FAF1: variants seen among roughly 807,000 people sequenced by gnomAD.
FAF1 encodes FAS-associated factor 1.
FAF1 carries 25 observed loss-of-function variants against 92.5 expected under a neutral mutation model. The observed-to-expected ratio is 0.27, with a 90% confidence interval of 0.20 to 0.38. The LOEUF (loss-of-function observed/expected upper bound fraction) is 0.38, where lower values mean the gene tolerates loss of function less well. Ranked by LOEUF, FAF1 falls within the 10% of genes least tolerant of loss-of-function variation. FAF1 has a pLI of 1.00. For synonymous variants in FAF1, 234 were observed against 273.2 expected, an observed-to-expected ratio of 0.86 and a Z score of 1.42; for missense variants, 636 against 793.3, an observed-to-expected ratio of 0.80 and a Z score of 2.38.
At chr1:50,853,108 G>C (rs368157044) in intron 2 of FAF1, among the ~76,000 whole-genome samples, 1 of 152,112 alleles carries the variant, frequency 6.6e-6, no homozygotes, top group Non-Finnish European at 1.5e-5. Flanking sequence ...TCAATGGTTA[G>C]TCTATTCATT....
intron 1 of FAF1, among the ~76,000 whole-genome samples, chr1:50,921,859 G>A (rs1362331283): frequency 6.6e-6 from 1 of 151,968 alleles, no homozygotes; most frequent in Admixed American, 6.6e-5. Context: ...GGACTCAAAT[G>A]TAACCACTAC....
At chr1:50,859,292 G>A (rs1293784001) in intron 1 of FAF1, among the ~76,000 whole-genome samples, 2 of 151,628 alleles carry the variant, frequency 1.3e-5, no homozygotes, top group Non-Finnish European at 2.9e-5. Flanking sequence ...GAAATAAAAG[G>A]CATCTAAATA....
intron 8 of FAF1, among the ~76,000 whole-genome samples, chr1:50,640,895 A>T (rs2124244953): frequency 8.0e-6 from 1 of 125,460 alleles, no homozygotes; most frequent in Non-Finnish European, 1.6e-5. Context: ...GTGCAGTGGC[A>T]CCATCTCGGC....
chr1:50,528,956 C>A (rs1361799757), intron 15 of FAF1, among the ~76,000 whole-genome samples: 1 of 152,132 alleles, frequency 6.6e-6, no homozygotes, highest in Non-Finnish European at 1.5e-5. Context: ...CTCTAGTTCA[C>A]TTTATTAATG....
chr1:50,523,672 C>T (rs558321131), intron 15 of FAF1, among the ~76,000 whole-genome samples: 27 of 152,182 alleles, frequency 1.8e-4, no homozygotes, highest in Admixed American at 5.9e-4. Context: ...ATATTAAACC[C>T]TTATCAGATA....
intron 7 of FAF1, among the ~76,000 whole-genome samples, chr1:50,667,283 C>A (rs1235486132): frequency 6.6e-6 from 1 of 152,208 alleles, no homozygotes; most frequent in African/African-American, 2.4e-5. Flanking sequence ...GTCTCCTTCA[C>A]CCCTTACATT....
chr1:50,465,531 T>G (rs1315315100), intron 18 of FAF1, among the ~76,000 whole-genome samples: 2 of 152,166 alleles, frequency 1.3e-5, no homozygotes, highest in African/African-American at 2.4e-5. Context: ...CAGGAATGTA[T>G]TAGTTAACAA....
At chr1:50,892,301 C>T (rs1223181753) in intron 1 of FAF1, among the ~76,000 whole-genome samples, 1 of 152,232 alleles carries the variant, frequency 6.6e-6, no homozygotes, top group Non-Finnish European at 1.5e-5. Context: ...ACGCTTCATG[C>T]TTCCTGGGTG....
chr1:50,909,608 G>A (rs1366715941), intron 1 of FAF1, among the ~76,000 whole-genome samples: 2 of 152,026 alleles, frequency 1.3e-5, no homozygotes, highest in Non-Finnish European at 2.9e-5. Context: ...TTCTCTTCTT[G>A]CTTCATTTCA....
At chr1:50,748,952 T>C (rs1289439011) in intron 4 of FAF1, among the ~76,000 whole-genome samples, 1 of 152,244 alleles carries the variant, frequency 6.6e-6, no homozygotes, top group Non-Finnish European at 1.5e-5. Flanking sequence ...GTCTCAATGA[T>C]ACTTTTTAAC....
At chr1:50,734,682 C>A (rs902776150) in intron 6 of FAF1, among the ~76,000 whole-genome samples, 3 of 149,928 alleles carry the variant, frequency 2.0e-5, no homozygotes. Flanking sequence ...TGCATTGAGC[C>A]GAGATCACGC....
chr1:50,636,183 A>C (rs1653998235), intron 8 of FAF1, among the ~76,000 whole-genome samples: 1 of 152,168 alleles, frequency 6.6e-6, no homozygotes, highest in South Asian at 2.1e-4. Context: ...TATCTACAGT[A>C]AAATGCACCC....
intron 4 of FAF1, among the ~76,000 whole-genome samples, chr1:50,750,811 C>T (rs1198603530): frequency 2.0e-5 from 3 of 151,084 alleles, no homozygotes; most frequent in African/African-American, 4.9e-5. Flanking sequence ...TTAGTAGAGA[C>T]GGGGGTTAAC....
intron 1 of FAF1, among the ~76,000 whole-genome samples, chr1:50,868,957 T>A (rs1254579044): frequency 6.6e-6 from 1 of 152,204 alleles, no homozygotes; most frequent in African/African-American, 2.4e-5. Context: ...GTATCTTTAC[T>A]GATTCTACTT....
chr1:50,878,317 T>C (rs1268838389), intron 1 of FAF1, among the ~76,000 whole-genome samples: 2 of 152,224 alleles, frequency 1.3e-5, no homozygotes, highest in African/African-American at 2.4e-5. Context: ...CAAAGCTATC[T>C]ATTTTCCTAA....
At chr1:50,516,123 T>C (rs1370822440) in intron 15 of FAF1, among the ~76,000 whole-genome samples, 1 of 152,196 alleles carries the variant, frequency 6.6e-6, no homozygotes, top group African/African-American at 2.4e-5. Context: ...TTCTCAAGAT[T>C]ATACAGCTGC....
intron 4 of FAF1, among the ~76,000 whole-genome samples, chr1:50,787,068 T>C (rs1243079932): frequency 6.6e-6 from 1 of 152,100 alleles, no homozygotes; most frequent in Non-Finnish European, 1.5e-5. Context: ...TAAGAGAAAA[T>C]TAATATGTGG....
intron 2 of FAF1, among the ~76,000 whole-genome samples, chr1:50,850,181 G>A (rs771079189): frequency 6.6e-6 from 1 of 151,938 alleles, no homozygotes; most frequent in Non-Finnish European, 1.5e-5. Flanking sequence ...ACATCCAAGG[G>A]AGATCTATAA....
At chr1:50,845,120 TAAGAAAAAA>T (rs1261502576) in intron 2 of FAF1, among the ~76,000 whole-genome samples, 2 of 152,054 alleles carry the variant, frequency 1.3e-5, no homozygotes, top group Non-Finnish European at 2.9e-5. Flanking sequence ...TTCTGTGATT[TAAGAAAAAA>T]AAGAAAAATC....
Sources: allele counts gnomAD v4.1 joint callset (sites outside exome capture counted in the v4.1 genomes callset), GRCh38; gene constraint gnomAD v4.1.1; transcripts MANE v1.5; gene names NCBI Gene and HGNC (gene_info 2026-07-23, HGNC 2026-07-21).